COP1: variants seen among roughly 807,000 people sequenced by gnomAD.
COP1 encodes COP1 E3 ubiquitin ligase.
In COP1, 24 loss-of-function variants were observed where a neutral mutation model predicts 101.3. The observed-to-expected ratio is 0.24, with a 90% CI of 0.17 to 0.33. The LOEUF (loss-of-function observed/expected upper bound fraction) is 0.33. COP1 is among the 10% of genes least tolerant of loss of function. The probability of loss-of-function intolerance (pLI) is 1.00; values close to 1 mark genes in which losing one functional copy is unlikely to be tolerated. For synonymous variants in COP1, 347 were observed against 341.9 expected, an observed-to-expected ratio of 1.01 and a Z score of -0.17; for missense variants, 663 against 906.2, an observed-to-expected ratio of 0.73 and a Z score of 3.45.
rs770416080 is a variant in COP1, at chr1:176,176,016, AG to A, written c.468-10del. On this transcript the variant is annotated splice_polypyrimidine_tract_variant and intron_variant, in intron 2 of 19. Coordinates refer to ENST00000367669, the MANE Select transcript of COP1 (RefSeq NM_022457.7). ...GATGAATACACTTGTAGCTATTAGTAGGGGGGGAAAAAAAAGGCTTAATTAA... is the reference window on the plus strand; with the variant it reads ...GATGAATACACTTGTAGCTATTAGTAGGGGGGAAAAAAAAGGCTTAATTAA... The A allele has an allele frequency of 6.3e-5, 85 of 1,353,854 alleles. No homozygotes were observed. Among genetic ancestry groups the A allele is most frequent in the Middle Eastern group, 1.8e-4 (1 of 5,570 alleles). 83.9% of individuals were successfully genotyped at this position (1,353,854 alleles called of 1,614,324 possible). A position where few individuals can be genotyped will look rare whatever the true frequency, so the allele number is the denominator to read the frequency against.
intron 6 of COP1, among the ~76,000 whole-genome samples, chr1:176,142,292 T>C (rs1040890379): frequency 8.0e-5 from 12 of 150,702 alleles, no homozygotes; most frequent in African/African-American, 1.7e-4. Context: ...CAAAAACCCA[T>C]GGAAAGAAAA....
rs982419329 is a variant in COP1 at position 176,132,564 on chromosome 1, T to C, written c.968+2446A>G. On this transcript the variant is annotated intron_variant, in intron 8 of 19. Transcript: ENST00000367669. ...ATATATACACACATATACACATATG[T>C]ACGTATATATACTATATATACACAC... Among the ~76,000 whole-genome samples, 6 of 146,544 alleles carry C rather than the reference T, an allele frequency of 4.1e-5. No homozygotes were observed. In the East Asian group the frequency reaches 1.2e-3, roughly 29 times the overall value.
intron 18 of COP1, among the ~76,000 whole-genome samples, chr1:175,949,664 T>G (rs577257080): frequency 1.9e-4 from 29 of 152,364 alleles, no homozygotes; most frequent in Admixed American, 5.2e-4. Context: ...AGAAAGCTAC[T>G]GCCAAGAGCC....
intron 11 of COP1, among the ~76,000 whole-genome samples, chr1:176,062,767 T>C (rs913608823): frequency 5.1e-4 from 10 of 19,484 alleles, no homozygotes; most frequent in Non-Finnish European, 6.2e-4. Context: ...TGTACAATTA[T>C]TCAAATGAAT....
chr1:175,979,798 T>C (rs1388453546), intron 18 of COP1, among the ~76,000 whole-genome samples: 2 of 152,224 alleles, frequency 1.3e-5, no homozygotes, highest in South Asian at 2.1e-4. Context: ...GTGAGCCTAT[T>C]AGATATTAGA....
chr1:176,018,931 C>T (rs1397124212), intron 15 of COP1, among the ~76,000 whole-genome samples: 2 of 151,584 alleles, frequency 1.3e-5, no homozygotes, highest in Non-Finnish European at 2.9e-5. Context: ...TTTGGGAGGC[C>T]GAGGCAAGTG....
Position 175,974,568 on chromosome 1 carries a change from A to C in COP1, c.2133+12375T>G, listed in dbSNP as rs574975904. ...ATGAAATAAAATAACAATGATTAAT[A>C]TGGTTAAAGGGGTTGATGGAAAAGA... On this transcript the variant is annotated intron_variant, in intron 18 of 19. Coordinates refer to ENST00000367669, the MANE Select transcript of COP1 (RefSeq NM_022457.7). 7.2e-5 allele frequency among the ~76,000 whole-genome samples: 11 copies of C among 152,352 alleles called. No homozygotes were observed. The South Asian group carries it at 2.3e-3, about 32-fold the overall frequency.
At position 176,043,365 on chromosome 1, in the gene COP1, G is replaced by C. The variant is rs1571883027; in HGVS notation, c.1531-98C>G. The C allele has an allele frequency of 6.9e-6, 5 of 720,120 alleles. No homozygotes were observed. The African/African-American group carries it at 7.2e-5, about 10-fold the overall frequency. The allele number at this position is 720,120 out of a possible 1,614,324, so 44.6% of individuals were successfully genotyped here. A position where few individuals can be genotyped will look rare whatever the true frequency, so the allele number is the denominator to read the frequency against. ...AACCTGATATCAATTTATTGTTACG[G>C]GGAGAGGGAAAGACAACAGGCTAGA... On this transcript the variant is annotated intron_variant, in intron 13 of 19. Coordinates refer to ENST00000367669, the MANE Select transcript of COP1 (RefSeq NM_022457.7).
chr1:176,207,049 C>G lies in COP1; in HGVS notation c.-71G>C, dbSNP rs1434160615. On this transcript the variant is annotated 5_prime_UTR_variant, in exon 1 of 20. Coordinates refer to ENST00000367669, the MANE Select transcript of COP1 (RefSeq NM_022457.7). ...CGACCTCGACCCTCCGCCGCCTCCCCTCCCCTCAGCCTCAGTGCATCCTGA... is the reference window on the plus strand; with the variant it reads ...CGACCTCGACCCTCCGCCGCCTCCCGTCCCCTCAGCCTCAGTGCATCCTGA... 3 of 1,263,336 alleles carry G rather than the reference C, an allele frequency of 2.4e-6. No individual in the cohort carries two copies. In the Admixed American group the frequency reaches 1.2e-4, roughly 51 times the overall value. 78.3% of individuals were successfully genotyped at this position (1,263,336 alleles called of 1,614,324 possible).
At chr1:175,951,213 C>T (rs1649845859) in intron 18 of COP1, among the ~76,000 whole-genome samples, 1 of 151,886 alleles carries the variant, frequency 6.6e-6, no homozygotes. Flanking sequence ...CATGCCACTG[C>T]ACTACAGCCT....
At chr1:176,095,736 C>A (rs550747964) in intron 9 of COP1, among the ~76,000 whole-genome samples, 1 of 151,370 alleles carries the variant, frequency 6.6e-6, no homozygotes, top group Non-Finnish European at 1.5e-5. Context: ...TATGTTTGTA[C>A]TTGTGATACA....
chr1:176,140,755 G>A (rs1429632557), intron 6 of COP1, among the ~76,000 whole-genome samples: 1 of 152,098 alleles, frequency 6.6e-6, no homozygotes, highest in East Asian at 1.9e-4. Context: ...CACAAATTAG[G>A]AATGATAATA....
intron 15 of COP1, among the ~76,000 whole-genome samples, chr1:176,008,160 C>A (rs1663861093): frequency 4.6e-5 from 7 of 152,254 alleles, no homozygotes; most frequent in Admixed American, 4.6e-4. Flanking sequence ...TCCCTGACCC[C>A]TTGCGCTTCC....
chr1:176,096,009 C>T (rs1027195169), intron 9 of COP1, among the ~76,000 whole-genome samples: 1 of 152,160 alleles, frequency 6.6e-6, no homozygotes, highest in Non-Finnish European at 1.5e-5. Context: ...ACTTTATCTG[C>T]TAGCAGGACT....
At chr1:176,045,354 G>A (rs1031770764) in intron 12 of COP1, among the ~76,000 whole-genome samples, 1 of 151,948 alleles carries the variant, frequency 6.6e-6, no homozygotes, top group South Asian at 2.1e-4. Context: ...TATCGATATA[G>A]TATTTTTATA....
At chr1:176,100,825 T>C (rs1004445867) in intron 9 of COP1, among the ~76,000 whole-genome samples, 5 of 152,242 alleles carry the variant, frequency 3.3e-5, no homozygotes, top group Middle Eastern at 3.4e-3. Context: ...AGCTTCACCA[T>C]AGCATTCAGC....
At chr1:176,150,301 A>G (rs556961377) in intron 5 of COP1, among the ~76,000 whole-genome samples, 1 of 152,350 alleles carries the variant, frequency 6.6e-6, no homozygotes, top group South Asian at 2.1e-4. Flanking sequence ...ATATGAACTG[A>G]TAATCACAAC....
chr1:176,077,285 T>C (rs1678226988), intron 11 of COP1, among the ~76,000 whole-genome samples: 1 of 152,044 alleles, frequency 6.6e-6, no homozygotes, highest in African/African-American at 2.4e-5. Context: ...CAGGAGCACA[T>C]CAAAAGTTAA....
chr1:176,200,533 G>A (rs139518615), intron 1 of COP1, among the ~76,000 whole-genome samples: 2 of 152,246 alleles, frequency 1.3e-5, no homozygotes, highest in African/African-American at 4.8e-5. Context: ...ACACAGATTA[G>A]GAAAGAAGGA....
Sources: gnomAD v4.1 joint callset for allele counts (sites outside exome capture counted in the v4.1 genomes callset) on GRCh38, gnomAD v4.1.1 for gene constraint, MANE v1.5 for transcripts, NCBI Gene and HGNC (gene_info 2026-07-23, HGNC 2026-07-21) for gene names.